Variants in ZC3H15 observed in about 807,000 individuals in gnomAD.
ZC3H15 encodes the protein zinc finger CCCH domain-containing protein 15.
A neutral mutation model predicts 51.2 loss-of-function variants in ZC3H15; 15 were observed. The ratio of observed to expected loss-of-function variants is 0.29; its 90% CI spans 0.20 to 0.45. The LOEUF is 0.45. Among genes scored for constraint, ZC3H15 ranks in the 20% least tolerant of loss-of-function variants. The pLI is 1.00. For missense variants in ZC3H15, 381 were observed against 494.7 expected, an observed-to-expected ratio of 0.77 and a Z score of 2.18; for synonymous variants, 144 against 162.8, an observed-to-expected ratio of 0.88 and a Z score of 0.88.
At chr2:186,500,876 T>C (rs928118621) in intron 3 of ZC3H15, among the ~76,000 whole-genome samples, 8 of 152,152 alleles carry the variant, frequency 5.3e-5, no homozygotes, top group Non-Finnish European at 1.0e-4. Flanking sequence ...GATTTCATCA[T>C]GTTGGCCAGG....
rs372209643 is a variant in ZC3H15 at position 186,487,197 on chromosome 2, T to A, written c.75+740T>A. ...GTATATGTGTATATATGTGTGTGTATATATATTCGTTTAACACATTGAGCC... is the reference window on the plus strand; with the variant it reads ...GTATATGTGTATATATGTGTGTGTAAATATATTCGTTTAACACATTGAGCC... On this transcript the variant is annotated intron_variant, in intron 1 of 9. Transcript: ENST00000337859. The A allele has an allele frequency of 5.3e-5, 8 of 152,276 alleles. No homozygotes were observed. In the South Asian group the frequency reaches 8.3e-4, roughly 16 times the overall value. 9.4% of individuals were successfully genotyped at this position (152,276 alleles called of 1,614,324 possible).
rs1461800286 is a variant in ZC3H15, at chr2:186,491,403, T to C, written c.76-3830T>C. Reference sequence around the variant, plus strand: ...AGTGGGATATGTATTATTACCCTTTTTGCAGTTTTGAAAACAGGCATAGAT... The same window carrying C: ...AGTGGGATATGTATTATTACCCTTTCTGCAGTTTTGAAAACAGGCATAGAT... On this transcript the variant is annotated intron_variant, in intron 1 of 9. Coordinates refer to ENST00000337859, the MANE Select transcript of ZC3H15 (RefSeq NM_018471.3). Among the ~76,000 whole-genome samples, 3 of 152,178 alleles carry C rather than the reference T, an allele frequency of 2.0e-5. No individual in the cohort carries two copies. The East Asian group carries it at 5.8e-4, about 29-fold the overall frequency.
intron 2 of ZC3H15, among the ~76,000 whole-genome samples, chr2:186,496,414 C>T (rs755879185): frequency 1.3e-5 from 2 of 152,140 alleles, no homozygotes; most frequent in African/African-American, 4.8e-5. Flanking sequence ...GACGGGATTT[C>T]GCCGTGTCAC....
In ZC3H15 at chr2:186,501,152, G is replaced by A. The variant is rs935603542; in HGVS notation, c.290-121G>A. 2.2e-5 allele frequency: 23 copies of A among 1,044,342 alleles called. No individual in the cohort carries two copies. In the African/African-American group the frequency reaches 2.2e-4, roughly 10 times the overall value. The allele number at this position is 1,044,342 out of a possible 1,614,324, so 64.7% of individuals were successfully genotyped here. A position where few individuals can be genotyped will look rare whatever the true frequency, so the allele number is the denominator to read the frequency against. ...GTCTTGCTAATCACCCATAAGTGCC[G>A]TTTTCCTCTCACATCAGTGAATGGA... On this transcript the variant is annotated intron_variant, in intron 3 of 9. Coordinates refer to ENST00000337859, the MANE Select transcript of ZC3H15 (RefSeq NM_018471.3).
Position 186,486,294 on chromosome 2 carries a change from C to A in ZC3H15, c.-89C>A. 7.5e-7 allele frequency: 1 copy of A among 1,334,948 alleles called. No homozygotes were observed. The highest frequency in any genetic ancestry group is 9.8e-7 in the Non-Finnish European group (1 of 1,018,458). The allele number at this position is 1,334,948 out of a possible 1,614,324, so 82.7% of individuals were successfully genotyped here. A position where few individuals can be genotyped will look rare whatever the true frequency, so the allele number is the denominator to read the frequency against. ...TCCGTGCGGTGCGGCGAGTGAGGCC[C>A]CGGTCTTCCTCCTCGTCCTGCCGCA... On this transcript the variant is annotated 5_prime_UTR_variant, in exon 1 of 10. Transcript: ENST00000337859.
At chr2:186,505,325 C>T in intron 6 of ZC3H15, 126 bp from the exon 7 acceptor site, 1 of 1,142,902 alleles carries the variant, frequency 8.7e-7, no homozygotes. Context: ...CATAAATTAG[C>T]TTATTCCAAT....
chr2:186,486,526 C>T, intron 1 of ZC3H15, 69 bp downstream of exon 1: 1 of 1,478,330 alleles, frequency 6.8e-7, no homozygotes, highest in Non-Finnish European at 9.1e-7. Flanking sequence ...CTCCGGGCTT[C>T]CCTGGGAGCC....
chr2:186,508,774 G>T lies in ZC3H15; in HGVS notation c.*41G>T. On this transcript the variant is annotated 3_prime_UTR_variant, in exon 10 of 10. Coordinates refer to ENST00000337859, the MANE Select transcript of ZC3H15 (RefSeq NM_018471.3). ...TGAAAAAATTAAGTCAGCTCAGCAC[G>T]AGTTGAAATTGACTACATTAATTTC... 6.3e-7 allele frequency: 1 copy of T among 1,586,202 alleles called. No homozygotes were observed.
At chr2:186,507,524 G>A (rs1368392892) in intron 9 of ZC3H15, 2 of 455,690 alleles carry the variant, frequency 4.4e-6, no homozygotes, top group Admixed American at 2.4e-5. Flanking sequence ...AGCAATACAT[G>A]AAAGTATAAA....
At chr2:186,490,849 A>G (rs754681697) in intron 1 of ZC3H15, among the ~76,000 whole-genome samples, 1 of 152,212 alleles carries the variant, frequency 6.6e-6, no homozygotes, top group Non-Finnish European at 1.5e-5. Flanking sequence ...CTCTGTATTC[A>G]TGTCCCAAGT....
At chr2:186,493,155 GTA>G (rs1186016064) in intron 1 of ZC3H15, among the ~76,000 whole-genome samples, 15 of 152,012 alleles carry the variant, frequency 9.9e-5, no homozygotes, top group African/African-American at 3.6e-4. Flanking sequence ...GAAGCACTAG[GTA>G]ATACAGAAGG....
chr2:186,495,685 TG>T (rs567179035), intron 2 of ZC3H15, among the ~76,000 whole-genome samples: 32 of 152,236 alleles, frequency 2.1e-4, no homozygotes, highest in Non-Finnish European at 4.4e-4. Flanking sequence ...TTTATTTCTG[TG>T]GCATAAATTA....
At chr2:186,502,381 A>G in intron 4 of ZC3H15, 115 bp from the exon 5 acceptor site, 1 of 869,078 alleles carries the variant, frequency 1.2e-6, no homozygotes, top group Non-Finnish European at 1.7e-6. Context: ...ACAAAAAGAA[A>G]AAGAAAAATG....
intron 4 of ZC3H15, among the ~76,000 whole-genome samples, chr2:186,501,677 T>C (rs776950201): frequency 9.9e-5 from 15 of 152,270 alleles, no homozygotes; most frequent in Non-Finnish European, 1.9e-4. Context: ...TACCTGCTCA[T>C]TTATCCAAAG....
chr2:186,488,350 G>A (rs1040594905), intron 1 of ZC3H15, among the ~76,000 whole-genome samples: 4 of 152,042 alleles, frequency 2.6e-5, no homozygotes, highest in Admixed American at 6.5e-5. Context: ...CTTTCCACAC[G>A]TGCAGCCACT....
intron 5 of ZC3H15, 76 bp downstream of exon 5, chr2:186,502,663 A>G (rs1431973473): frequency 9.3e-6 from 11 of 1,179,676 alleles, no homozygotes; most frequent in East Asian, 2.6e-5. Flanking sequence ...ATTTGCTGCT[A>G]TTTTCTATTA....
intron 5 of ZC3H15, 81 bp downstream of exon 5, chr2:186,502,668 C>G (rs1685405588): frequency 8.8e-7 from 1 of 1,142,442 alleles, no homozygotes. Context: ...CTGCTATTTT[C>G]TATTAGATTA....
chr2:186,501,446 C>G (rs371047458), intron 4 of ZC3H15, 21 bp downstream of exon 4: 185 of 1,594,490 alleles, frequency 1.2e-4, no homozygotes, highest in Non-Finnish European at 1.5e-4. Flanking sequence ...TAAAAACACT[C>G]TCTTAAAAAT....
At chr2:186,496,400 T>C (rs1427841432) in intron 2 of ZC3H15, among the ~76,000 whole-genome samples, 1 of 152,202 alleles carries the variant, frequency 6.6e-6, no homozygotes, top group African/African-American at 2.4e-5. Context: ...GTATTTTTTG[T>C]AGAGACGGGA....
Sources: gnomAD v4.1 joint callset for allele counts (sites outside exome capture counted in the v4.1 genomes callset) on GRCh38, gnomAD v4.1.1 for gene constraint, MANE v1.5 for transcripts, NCBI Gene and HGNC (gene_info 2026-07-23, HGNC 2026-07-21) for gene names.